The following ROBO1 variants were observed in gnomAD, a reference collection of about 807,000 sequenced individuals.
The protein encoded by ROBO1 is roundabout guidance receptor 1.
In ROBO1, 149 loss-of-function variants were observed where a neutral mutation model predicts 195.9. The observed-to-expected ratio is 0.76, with a 90% CI of 0.67 to 0.87. The LOEUF (loss-of-function observed/expected upper bound fraction) is 0.87. ROBO1 is among the 40% of genes least tolerant of loss of function. The pLI is 0.00. For missense variants in ROBO1, 1,933 were observed against 2,068.3 expected (o/e 0.93, Z 1.27); for synonymous variants, 816 against 733.2 (o/e 1.11, Z -1.82).
chr3:78,902,356 A>C (rs560942845), intron 4 of ROBO1, among the ~76,000 whole-genome samples: 18 of 152,248 alleles, frequency 1.2e-4, no homozygotes, highest in African/African-American at 4.3e-4. Context: ...ATTGAGATTA[A>C]ATTTCTTTCT....
chr3:79,094,489 C>T (rs1231354096), intron 3 of ROBO1, among the ~76,000 whole-genome samples: 4 of 152,086 alleles, frequency 2.6e-5, no homozygotes, highest in African/African-American at 9.7e-5. Context: ...TTTCACTGCA[C>T]ATGGCAGGTC....
intron 3 of ROBO1, among the ~76,000 whole-genome samples, chr3:79,125,117 T>A (rs977115144): frequency 1.3e-5 from 2 of 152,190 alleles, no homozygotes; most frequent in African/African-American, 4.8e-5. Flanking sequence ...TAGTGTTTTT[T>A]TCCTTTATGA....
At chr3:79,529,942 C>T (rs1193139987) in intron 2 of ROBO1, among the ~76,000 whole-genome samples, 1 of 152,078 alleles carries the variant, frequency 6.6e-6, no homozygotes, top group African/African-American at 2.4e-5. Context: ...TCTTTGTATT[C>T]ATAGAACAAA....
At chr3:79,017,589 A>G (rs2077981688) in intron 3 of ROBO1, among the ~76,000 whole-genome samples, 1 of 152,052 alleles carries the variant, frequency 6.6e-6, no homozygotes, top group Non-Finnish European at 1.5e-5. Context: ...CCACAGTAAA[A>G]AAGTTTCCTA....
intron 8 of ROBO1, among the ~76,000 whole-genome samples, chr3:78,696,008 T>C (rs1308830904): frequency 6.6e-6 from 1 of 152,102 alleles, no homozygotes; most frequent in East Asian, 1.9e-4. Context: ...TTCTCCTTTC[T>C]CTACATTTCT....
At chr3:78,945,607 A>G (rs1017937658) in intron 3 of ROBO1, among the ~76,000 whole-genome samples, 16 of 152,220 alleles carry the variant, frequency 1.1e-4, no homozygotes, top group Non-Finnish European at 1.8e-4. Flanking sequence ...TAAAAATCAG[A>G]GCGCCTCTCC....
rs1240093318 is a variant in ROBO1, at chr3:78,767,549, AGCCACTGT to A, written c.500-20657_500-20650del. 2.0e-5 allele frequency among the ~76,000 whole-genome samples: 3 copies of A among 152,184 alleles called. No homozygotes were observed. In the East Asian group the frequency reaches 5.8e-4, roughly 29 times the overall value. ...CCAAAATGCTGGGATTACAGGCATG[AGCCACTGT>A]GCCCAGCCTGTTGGTAATTTTTTAA... On this transcript the variant is annotated intron_variant, in intron 4 of 30. Transcript: ENST00000464233.
intron 2 of ROBO1, among the ~76,000 whole-genome samples, chr3:79,585,501 A>G (rs983828372): frequency 2.0e-5 from 3 of 152,046 alleles, no homozygotes; most frequent in African/African-American, 7.2e-5. Context: ...AACAAGAAAC[A>G]TAAGCAAAAC....
At chr3:79,541,674 C>T (rs1942071415) in intron 2 of ROBO1, among the ~76,000 whole-genome samples, 1 of 151,836 alleles carries the variant, frequency 6.6e-6, no homozygotes, top group Non-Finnish European at 1.5e-5. Context: ...GTGCTTTCTA[C>T]AGCTGAATTG....
At chr3:79,094,593 A>G (rs2079533575) in intron 3 of ROBO1, among the ~76,000 whole-genome samples, 1 of 152,186 alleles carries the variant, frequency 6.6e-6, no homozygotes, top group South Asian at 2.1e-4. Flanking sequence ...TTAAATGCTC[A>G]AGGATAAGTA....
chr3:79,642,785 A>G (rs1423834519), intron 1 of ROBO1, among the ~76,000 whole-genome samples: 1 of 152,198 alleles, frequency 6.6e-6, no homozygotes, highest in Non-Finnish European at 1.5e-5. Context: ...CTCTGAACGA[A>G]AAAAACACTA....
chr3:79,018,305 G>T, intron 3 of ROBO1: 2 of 1,359,032 alleles, frequency 1.5e-6, no homozygotes, highest in Non-Finnish European at 2.1e-6. Context: ...TCCGGCCTTA[G>T]GAGGGAGGGG....
At chr3:79,567,257 TAG>T (rs1351663238) in intron 2 of ROBO1, among the ~76,000 whole-genome samples, 2 of 152,118 alleles carry the variant, frequency 1.3e-5, no homozygotes, top group African/African-American at 4.8e-5. Flanking sequence ...TATTGGAGTG[TAG>T]AGAATGGGAA....
intron 2 of ROBO1, among the ~76,000 whole-genome samples, chr3:79,229,925 C>G (rs752538021): frequency 6.6e-6 from 1 of 152,016 alleles, no homozygotes; most frequent in Admixed American, 6.6e-5. Context: ...AAAAAGTATA[C>G]CTTTGTCATA....
At chr3:79,442,068 C>T (rs1439961921) in intron 2 of ROBO1, among the ~76,000 whole-genome samples, 1 of 152,054 alleles carries the variant, frequency 6.6e-6, no homozygotes, top group Non-Finnish European at 1.5e-5. Flanking sequence ...CTCTCGGCTC[C>T]TCAATTCTTA....
intron 4 of ROBO1, among the ~76,000 whole-genome samples, chr3:78,797,744 G>GT (rs972125491): frequency 2.2e-4 from 34 of 152,062 alleles, no homozygotes; most frequent in Non-Finnish European, 2.4e-4. Flanking sequence ...ACAGTTTTCA[G>GT]TTTTTTCTAA....
At chr3:79,509,769 C>G (rs889251900) in intron 2 of ROBO1, among the ~76,000 whole-genome samples, 2 of 152,052 alleles carry the variant, frequency 1.3e-5, no homozygotes, top group African/African-American at 4.8e-5. Context: ...TCTTAACCCC[C>G]CTCCATGAAA....
chr3:78,635,243 G>T (rs2107528318), intron 23 of ROBO1, among the ~76,000 whole-genome samples: 1 of 152,220 alleles, frequency 6.6e-6, no homozygotes, highest in Non-Finnish European at 1.5e-5. Context: ...GTCAACCAAG[G>T]AAATTTAGGT....
chr3:79,475,924 A>G (rs1938525109), intron 2 of ROBO1, among the ~76,000 whole-genome samples: 1 of 152,110 alleles, frequency 6.6e-6, no homozygotes, highest in South Asian at 2.1e-4. Context: ...TTGGAAGATT[A>G]GTGAAGCCTT....
Sources: gnomAD v4.1 joint callset for allele counts (sites outside exome capture counted in the v4.1 genomes callset) on GRCh38, gnomAD v4.1.1 for gene constraint, MANE v1.5 for transcripts, NCBI Gene and HGNC (gene_info 2026-07-23, HGNC 2026-07-21) for gene names.